The following AGBL1 variants were observed in gnomAD, a reference collection of about 807,000 sequenced individuals.
AGBL1 encodes the protein AGBL carboxypeptidase 1.
Under a neutral mutation model 118.9 loss-of-function variants are expected in AGBL1, and 130 were observed. The ratio of observed to expected loss-of-function variants is 1.09; its 90% confidence interval spans 0.95 to 1.26. The LOEUF (loss-of-function observed/expected upper bound fraction) is 1.26. Among genes scored for constraint, AGBL1 ranks in the 50% most tolerant of loss-of-function variants. The pLI is 0.00. For missense variants in AGBL1, 1,584 were observed against 1,298.1 expected, an observed-to-expected ratio of 1.22 and a Z score of -3.38; for synonymous variants, 555 against 478.9, an observed-to-expected ratio of 1.16 and a Z score of -2.08.
chr15:86,987,791 T>C (rs1022104569), intron 23 of AGBL1, among the ~76,000 whole-genome samples: 4 of 152,176 alleles, frequency 2.6e-5, no homozygotes, highest in Non-Finnish European at 4.4e-5. Context: ...CCATACATTA[T>C]GTATATTTTA....
chr15:86,929,394 A>ATTC (rs1192107934), intron 23 of AGBL1, among the ~76,000 whole-genome samples: 3 of 152,202 alleles, frequency 2.0e-5, no homozygotes, highest in Non-Finnish European at 4.4e-5. Context: ...ACCTCTGGAC[A>ATTC]ATACACAAAA....
chr15:86,627,373 A>T (rs2142426647), intron 21 of AGBL1, among the ~76,000 whole-genome samples: 1 of 152,284 alleles, frequency 6.6e-6, no homozygotes, highest in Non-Finnish European at 1.5e-5. Context: ...GGGATGCCAG[A>T]GGAGAGGTTA....
intron 18 of AGBL1, among the ~76,000 whole-genome samples, chr15:86,506,914 T>C (rs2082984238): frequency 6.6e-6 from 1 of 152,106 alleles, no homozygotes; most frequent in South Asian, 2.1e-4. Context: ...TCTTAAGGAA[T>C]ATTATTTTGA....
chr15:86,325,722 C>T (rs1418232451), intron 17 of AGBL1, among the ~76,000 whole-genome samples: 1 of 152,152 alleles, frequency 6.6e-6, no homozygotes, highest in Non-Finnish European at 1.5e-5. Flanking sequence ...TTCTTAGTAA[C>T]TCCTGGTTTG....
At chr15:86,221,020 T>C (rs994332984) in intron 5 of AGBL1, among the ~76,000 whole-genome samples, 2 of 151,930 alleles carry the variant, frequency 1.3e-5, no homozygotes, top group African/African-American at 4.8e-5. Flanking sequence ...GCCAACATGG[T>C]GAAACCCCGT....
intron 22 of AGBL1, among the ~76,000 whole-genome samples, chr15:86,819,457 T>A (rs1263435388): frequency 6.6e-6 from 1 of 151,962 alleles, no homozygotes; most frequent in East Asian, 1.9e-4. Context: ...ACAAAATTAA[T>A]GTGCAAAAAT....
At chr15:86,722,371 A>G (rs2086738194) in intron 22 of AGBL1, among the ~76,000 whole-genome samples, 1 of 152,218 alleles carries the variant, frequency 6.6e-6, no homozygotes, top group African/African-American at 2.4e-5. Context: ...CAACCATCTG[A>G]TCTTTGACAA....
chr15:86,887,715 T>G (rs1337865628), intron 22 of AGBL1, among the ~76,000 whole-genome samples: 1 of 152,130 alleles, frequency 6.6e-6, no homozygotes, highest in East Asian at 1.9e-4. Flanking sequence ...TCACCAAGAT[T>G]CTTTTAGCCG....
intron 18 of AGBL1, among the ~76,000 whole-genome samples, chr15:86,474,073 A>G (rs1056735022): frequency 6.6e-6 from 1 of 152,204 alleles, no homozygotes; most frequent in African/African-American, 2.4e-5. Context: ...GACACACACA[A>G]AAAATGAGTA....
Position 86,766,591 on chromosome 15 carries a change from A to G in AGBL1, c.3158+92155A>G, listed in dbSNP as rs2078100399. On this transcript the variant is annotated intron_variant, in intron 22 of 22. Coordinates refer to ENST00000614907, the MANE Select transcript of AGBL1 (RefSeq NM_001386094.1). Reference sequence around the variant, plus strand: ...ATAATTTTTTTTCTATTATAAGGGAACAAGTCATAGTGATTTTTATTTCAG... The same window carrying G: ...ATAATTTTTTTTCTATTATAAGGGAGCAAGTCATAGTGATTTTTATTTCAG... 2.0e-5 allele frequency among the ~76,000 whole-genome samples: 3 copies of G among 151,978 alleles called. No individual in the cohort carries two copies. The South Asian group carries it at 6.2e-4, about 32-fold the overall frequency.
At chr15:86,242,398 C>T (rs2078654554) in intron 6 of AGBL1, among the ~76,000 whole-genome samples, 1 of 152,200 alleles carries the variant, frequency 6.6e-6, no homozygotes, top group Admixed American at 6.5e-5. Context: ...ATTCTCTCAA[C>T]AGTCTCACAA....
chr15:86,095,647 C>A (rs2201669), intron 1 of AGBL1, among the ~76,000 whole-genome samples: 1 of 15,482 alleles, frequency 6.5e-5, no homozygotes, highest in African/African-American at 1.6e-4. Flanking sequence ...CCTTGGATAC[C>A]TTTTTTTTTT....
intron 18 of AGBL1, among the ~76,000 whole-genome samples, chr15:86,449,867 T>C (rs1475084911): frequency 6.6e-6 from 1 of 152,160 alleles, no homozygotes; most frequent in African/African-American, 2.4e-5. Flanking sequence ...TGGCTTGCTA[T>C]GATGGCCAGT....
At chr15:86,443,927 A>G (rs2082093005) in intron 18 of AGBL1, among the ~76,000 whole-genome samples, 1 of 152,194 alleles carries the variant, frequency 6.6e-6, no homozygotes, top group Non-Finnish European at 1.5e-5. Flanking sequence ...GGGTGCAGGT[A>G]TCACTTTGAT....
chr15:86,491,183 G>T (rs2082773022), intron 18 of AGBL1, among the ~76,000 whole-genome samples: 1 of 152,076 alleles, frequency 6.6e-6, no homozygotes, highest in South Asian at 2.1e-4. Context: ...CAGTCTGAGG[G>T]TCCAGGGAAA....
chr15:86,965,419 G>A (rs34803507), intron 23 of AGBL1, among the ~76,000 whole-genome samples: 2,235 of 152,062 alleles, frequency 0.015, 18 homozygotes, highest in Non-Finnish European at 0.024. Flanking sequence ...TTTGTTGGCC[G>A]CATAAATGTC....
At chr15:86,274,302 C>T (rs2079209901) in intron 15 of AGBL1, among the ~76,000 whole-genome samples, 1 of 151,866 alleles carries the variant, frequency 6.6e-6, no homozygotes, top group African/African-American at 2.4e-5. Flanking sequence ...CTTTCTAGAT[C>T]TGATTAGATT....
At chr15:86,619,688 A>C (rs1222219117) in intron 21 of AGBL1, among the ~76,000 whole-genome samples, 2 of 152,146 alleles carry the variant, frequency 1.3e-5, no homozygotes, top group Non-Finnish European at 2.9e-5. Flanking sequence ...CACAGTGGCC[A>C]TTAAAGGAAC....
rs1347403543 is a variant in AGBL1 at position 86,685,238 on chromosome 15, T to C, written c.3158+10802T>C. Among the ~76,000 whole-genome samples the C allele has an allele frequency of 2.0e-5, 3 of 152,260 alleles. No homozygotes were observed. The East Asian group carries it at 5.8e-4, about 30-fold the overall frequency. On this transcript the variant is annotated intron_variant, in intron 22 of 22. Coordinates refer to ENST00000614907, the MANE Select transcript of AGBL1 (RefSeq NM_001386094.1). ...GGAGAAAGAAGTGATTACCTCTGCTTGGTCCTTTTAGTTTCTTTAGACAGA... is the reference window on the plus strand; with the variant it reads ...GGAGAAAGAAGTGATTACCTCTGCTCGGTCCTTTTAGTTTCTTTAGACAGA...
Sources: gnomAD v4.1 joint callset for allele counts (sites outside exome capture counted in the v4.1 genomes callset) on GRCh38, gnomAD v4.1.1 for gene constraint, MANE v1.5 for transcripts, NCBI Gene and HGNC (gene_info 2026-07-23, HGNC 2026-07-21) for gene names.